The following DLG2 variants were observed in gnomAD, a reference collection of about 807,000 sequenced individuals.
DLG2 encodes the protein disks large homolog 2.
DLG2 carries 45 observed loss-of-function variants against 132.5 expected under a neutral mutation model. That is an observed-to-expected ratio of 0.34 (90% CI 0.27 to 0.44). The LOEUF (loss-of-function observed/expected upper bound fraction) is 0.44. DLG2 is among the 20% of genes least tolerant of loss of function. The probability of loss-of-function intolerance (pLI) is 1.00; values close to 1 mark genes in which losing one functional copy is unlikely to be tolerated. For missense variants in DLG2, 1,045 were observed against 1,196.9 expected (o/e 0.87, Z 1.87); for synonymous variants, 424 against 419.6 (o/e 1.01, Z -0.13).
At chr11:83,470,342 A>G (rs2091869309) in intron 24 of DLG2, among the ~76,000 whole-genome samples, 1 of 152,164 alleles carries the variant, frequency 6.6e-6, no homozygotes, top group Admixed American at 6.6e-5. Context: ...ATGGAAATGT[A>G]CAAAAATATT....
chr11:85,147,489 T>G (rs1270646256), intron 5 of DLG2, among the ~76,000 whole-genome samples: 1 of 152,228 alleles, frequency 6.6e-6, no homozygotes, highest in Non-Finnish European at 1.5e-5. Flanking sequence ...ATTAGTTATT[T>G]GTTCCACTAC....
intron 15 of DLG2, among the ~76,000 whole-genome samples, chr11:83,895,570 T>G: frequency 6.6e-6 from 1 of 152,168 alleles, no homozygotes; most frequent in Non-Finnish European, 1.5e-5. Flanking sequence ...AGCCATTTTC[T>G]TCACACAGGG....
intron 19 of DLG2, among the ~76,000 whole-genome samples, chr11:83,565,024 T>C (rs540366275): frequency 3.3e-5 from 5 of 152,210 alleles, no homozygotes; most frequent in African/African-American, 4.8e-5. Context: ...CACTGGACTA[T>C]GATCTCCTTG....
chr11:84,787,910 C>A (rs187754088), intron 6 of DLG2, among the ~76,000 whole-genome samples: 1,696 of 146,896 alleles, frequency 0.012, 15 homozygotes, highest in Non-Finnish European at 0.018. Context: ...ACCAGCCTGG[C>A]CAATATGGTG....
intron 2 of DLG2, among the ~76,000 whole-genome samples, chr11:85,614,342 C>T (rs1190252720): frequency 6.8e-6 from 1 of 148,050 alleles, no homozygotes. Flanking sequence ...TAAAAATTAA[C>T]ATTAAAATGT....
At chr11:85,163,244 C>G (rs545626107) in intron 4 of DLG2, among the ~76,000 whole-genome samples, 1 of 151,752 alleles carries the variant, frequency 6.6e-6, no homozygotes, top group Non-Finnish European at 1.5e-5. Context: ...CACACACACA[C>G]TATTAGTTCT....
intron 4 of DLG2, among the ~76,000 whole-genome samples, chr11:85,216,227 A>G (rs1042260883): frequency 5.9e-5 from 9 of 152,154 alleles, no homozygotes; most frequent in Non-Finnish European, 7.4e-5. Context: ...ACGACAAGAA[A>G]GTCAGTGGGC....
chr11:84,959,605 A>T (rs534744377), intron 6 of DLG2, among the ~76,000 whole-genome samples: 127 of 152,306 alleles, frequency 8.3e-4, no homozygotes, highest in African/African-American at 9.6e-4. Context: ...TTAGTTTCTT[A>T]AAAAAATAAA....
Position 84,292,076 on chromosome 11 carries a change from A to T in DLG2, c.520-40785T>A, listed in dbSNP as rs80292052. On this transcript the variant is annotated intron_variant, in intron 7 of 27. Coordinates refer to ENST00000376104, the MANE Select transcript of DLG2 (RefSeq NM_001142699.3). Reference sequence around the variant, plus strand: ...ACGGAATGACTATAGAGTGTGATGAAAAATAACATGGCCATATTGGTTGGA... The same window carrying T: ...ACGGAATGACTATAGAGTGTGATGATAAATAACATGGCCATATTGGTTGGA... Among the ~76,000 whole-genome samples the T allele has an allele frequency of 1.5e-4, 23 of 152,292 alleles. 1 individual carries two copies. The East Asian group carries it at 4.4e-3, about 29-fold the overall frequency.
At position 84,259,960 on chromosome 11, in the gene DLG2, C is replaced by T. The variant is rs140798771; in HGVS notation, c.520-8669G>A. Among the ~76,000 whole-genome samples the T allele has an allele frequency of 7.2e-5, 11 of 152,320 alleles. No individual in the cohort carries two copies. In the East Asian group the frequency reaches 2.1e-3, roughly 29 times the overall value. On this transcript the variant is annotated intron_variant, in intron 7 of 27. Coordinates refer to ENST00000376104, the MANE Select transcript of DLG2 (RefSeq NM_001142699.3). The stretch of plus-strand genomic sequence containing the variant: ...GATAAGTAAAGTCTGTTCTAGTCAA[C>T]ACAATTTGTCTTACTTATCCTTGAA...
intron 8 of DLG2, among the ~76,000 whole-genome samples, chr11:84,187,393 T>C (rs2154287644): frequency 6.6e-6 from 1 of 152,126 alleles, no homozygotes; most frequent in African/African-American, 2.4e-5. Context: ...TTCTTTGAAA[T>C]CAAAGGGCTT....
intron 15 of DLG2, among the ~76,000 whole-genome samples, chr11:83,917,374 A>G (rs2077081235): frequency 6.6e-6 from 1 of 152,212 alleles, no homozygotes; most frequent in South Asian, 2.1e-4. Flanking sequence ...AGTCATGCTC[A>G]TTACAATGAC....
At chr11:84,159,733 G>A (rs1177240447) in intron 9 of DLG2, among the ~76,000 whole-genome samples, 2 of 152,166 alleles carry the variant, frequency 1.3e-5, no homozygotes, top group East Asian at 1.9e-4. Context: ...TTACTTGGAG[G>A]AGAACAGCAG....
intron 9 of DLG2, among the ~76,000 whole-genome samples, chr11:84,119,512 A>G (rs918148658): frequency 4.6e-5 from 7 of 151,890 alleles, no homozygotes; most frequent in Non-Finnish European, 7.4e-5. Context: ...ACACATACGA[A>G]TCACATTTAA....
At chr11:85,254,482 G>A (rs972959178) in intron 4 of DLG2, among the ~76,000 whole-genome samples, 3 of 151,904 alleles carry the variant, frequency 2.0e-5, no homozygotes, top group Admixed American at 2.0e-4. Flanking sequence ...TTTAATTTAG[G>A]TACATTTATG....
rs184426266 is a variant in DLG2, at chr11:84,861,393, G to A, written c.357+250268C>T. 2.0e-5 allele frequency among the ~76,000 whole-genome samples: 3 copies of A among 151,988 alleles called. No individual in the cohort carries two copies. In the South Asian group the frequency reaches 6.2e-4, roughly 32 times the overall value. ...CAGCTACGTAACTTCTGACATTACC[G>A]ACCCTTTCTGAATCTTGATTTCCTA... On this transcript the variant is annotated intron_variant, in intron 6 of 27. Coordinates refer to ENST00000376104, the MANE Select transcript of DLG2 (RefSeq NM_001142699.3).
intron 3 of DLG2, among the ~76,000 whole-genome samples, chr11:85,424,593 T>A (rs1011052694): frequency 1.3e-5 from 2 of 152,212 alleles, no homozygotes; most frequent in African/African-American, 4.8e-5. Flanking sequence ...GCTGAAAGTA[T>A]CCAACTGAAG....
chr11:84,134,765 T>C lies in DLG2; in HGVS notation c.624+28696A>G, dbSNP rs151061078. Among the ~76,000 whole-genome samples the C allele has an allele frequency of 2.6e-5, 4 of 152,134 alleles. No individual in the cohort carries two copies. The East Asian group carries it at 7.7e-4, about 29-fold the overall frequency. ...ACTAATTTGAAATGGAGACTGTTTT[T>C]ATGTTTGTACAACTGATATATTTGT... On this transcript the variant is annotated intron_variant, in intron 9 of 27. Coordinates refer to ENST00000376104, the MANE Select transcript of DLG2 (RefSeq NM_001142699.3).
At chr11:84,687,940 C>A (rs991795507) in intron 6 of DLG2, among the ~76,000 whole-genome samples, 3 of 152,180 alleles carry the variant, frequency 2.0e-5, no homozygotes, top group Admixed American at 2.0e-4. Flanking sequence ...GTGGGTTCCA[C>A]AGTACTGCAT....
Sources: allele counts gnomAD v4.1 joint callset (sites outside exome capture counted in the v4.1 genomes callset), GRCh38; gene constraint gnomAD v4.1.1; transcripts MANE v1.5; gene names NCBI Gene and HGNC (gene_info 2026-07-23, HGNC 2026-07-21).